The following CPE variants were observed in gnomAD, a reference collection of about 807,000 sequenced individuals.
CPE encodes carboxypeptidase E.
Under a neutral mutation model 53.5 loss-of-function variants are expected in CPE, and 17 were observed. That is an observed-to-expected ratio of 0.32 (90% CI 0.22 to 0.48). The LOEUF is 0.48. Among genes scored for constraint, CPE ranks in the 20% least tolerant of loss-of-function variants. The pLI, the probability that CPE is intolerant of heterozygous loss-of-function variation, is 0.99. For missense variants in CPE, 524 were observed against 614.7 expected (o/e 0.85, Z 1.56); for synonymous variants, 226 against 228.8 (o/e 0.99, Z 0.11).
chr4:165,404,596 C>A, intron 1 of CPE: 1 of 1,097,984 alleles, frequency 9.1e-7, no homozygotes, highest in Non-Finnish European at 1.4e-6. Flanking sequence ...CTTCATCCAC[C>A]AGTGTGGCGG....
intron 1 of CPE, among the ~76,000 whole-genome samples, chr4:165,392,340 ATGTAAT>A (rs1280071014): frequency 1.4e-4 from 20 of 146,498 alleles, no homozygotes; most frequent in African/African-American, 4.7e-4. Context: ...ATATATGTAT[ATGTAAT>A]ATGTAATATA....
rs184773565 is a variant in CPE at position 165,466,844 on chromosome 4, A to G, written c.505-844A>G. ...TTACTGTAACTTTTTTACTTTATAA[A>G]CTTTTAAACTTTAAAAACCTTTTGG... On this transcript the variant is annotated intron_variant, in intron 2 of 8. Coordinates refer to ENST00000402744, the MANE Select transcript of CPE (RefSeq NM_001873.4). Among the ~76,000 whole-genome samples the G allele has an allele frequency of 3.3e-3, 496 of 152,266 alleles. 2 individuals are homozygous for G. The highest frequency in any genetic ancestry group is 0.014 in the Middle Eastern group (4 of 294).
At chr4:165,452,303 A>C (rs1368598262) in intron 1 of CPE, among the ~76,000 whole-genome samples, 1 of 152,220 alleles carries the variant, frequency 6.6e-6, no homozygotes, top group South Asian at 2.1e-4. Context: ...CAATGTTTCC[A>C]GCACAAAGAA....
At chr4:165,494,930 T>C (rs763579945) in intron 7 of CPE, among the ~76,000 whole-genome samples, 1 of 152,200 alleles carries the variant, frequency 6.6e-6, no homozygotes, top group Non-Finnish European at 1.5e-5. Flanking sequence ...CTTCAAAGTG[T>C]GGCCTCTGCT....
At chr4:165,432,464 T>G (rs919508052) in intron 1 of CPE, among the ~76,000 whole-genome samples, 2 of 152,032 alleles carry the variant, frequency 1.3e-5, no homozygotes, top group African/African-American at 2.4e-5. Flanking sequence ...CCTGGCTAAG[T>G]TTTTTAATTT....
chr4:165,416,897 C>T (rs921826447), intron 1 of CPE, among the ~76,000 whole-genome samples: 1 of 151,744 alleles, frequency 6.6e-6, no homozygotes, highest in African/African-American at 2.4e-5. Context: ...AAAATATTTT[C>T]GAATGTGTCA....
At chr4:165,460,789 T>C (rs1246720375) in intron 1 of CPE, among the ~76,000 whole-genome samples, 5 of 152,144 alleles carry the variant, frequency 3.3e-5, no homozygotes, top group African/African-American at 1.2e-4. Flanking sequence ...CTTATCGTAT[T>C]CTTACAAGAA....
At chr4:165,483,998 A>G (rs1424115471) in intron 4 of CPE, among the ~76,000 whole-genome samples, 2 of 152,226 alleles carry the variant, frequency 1.3e-5, no homozygotes, top group Non-Finnish European at 2.9e-5. Flanking sequence ...TTTCTATAAT[A>G]CATACAGGAG....
intron 1 of CPE, among the ~76,000 whole-genome samples, chr4:165,408,105 G>A (rs1730981248): frequency 6.6e-6 from 1 of 152,182 alleles, no homozygotes; most frequent in Non-Finnish European, 1.5e-5. Context: ...CCCATTCTGT[G>A]TGTTGTCTCC....
In CPE at chr4:165,493,764, T is replaced by C. The variant is rs117621567; in HGVS notation, c.1213+494T>C. On this transcript the variant is annotated intron_variant, in intron 7 of 8. Transcript: ENST00000402744. The stretch of plus-strand genomic sequence containing the variant: ...ATCCGTATAATAAATCCGCAGGGAT[T>C]CAAGGTTAAACAAGAGTTTATAGGA... 4.2e-4 allele frequency among the ~76,000 whole-genome samples: 64 copies of C among 152,318 alleles called. No individual in the cohort carries two copies. In the East Asian group the frequency reaches 0.012, roughly 28 times the overall value.
rs559189642 is a variant in CPE at position 165,404,804 on chromosome 4, GA to G, written c.307+25278del. 547 of 771,452 alleles carry G rather than the reference GA, an allele frequency of 7.1e-4. 3 individuals carry two copies. In the African/African-American group the frequency reaches 7.8e-3, roughly 11 times the overall value. The allele number at this position is 771,452 out of a possible 1,614,324, so 47.8% of individuals were successfully genotyped here. A position where few individuals can be genotyped will look rare whatever the true frequency, so the allele number is the denominator to read the frequency against. On this transcript the variant is annotated intron_variant, in intron 1 of 8. Transcript: ENST00000402744. ...TACAGTTGAAGCACTGGTGTCTTTG[GA>G]AGTCTTCTTGGTTGTGATCATCTCC... is the stretch of plus-strand genomic sequence containing the variant.
At chr4:165,447,037 G>A (rs1213082816) in intron 1 of CPE, among the ~76,000 whole-genome samples, 1 of 152,114 alleles carries the variant, frequency 6.6e-6, no homozygotes, top group Non-Finnish European at 1.5e-5. Context: ...TTACTGTACT[G>A]AACACTGTCA....
intron 1 of CPE, among the ~76,000 whole-genome samples, chr4:165,411,547 C>T (rs1367649717): frequency 6.6e-6 from 1 of 152,186 alleles, no homozygotes; most frequent in African/African-American, 2.4e-5. Flanking sequence ...CTCCTTTTCA[C>T]TCTCCATTGA....
chr4:165,485,386 A>G (rs1004771400), intron 5 of CPE, among the ~76,000 whole-genome samples: 1 of 152,172 alleles, frequency 6.6e-6, no homozygotes, highest in African/African-American at 2.4e-5. Context: ...TAGCTAATTG[A>G]AGGGTATTGG....
At chr4:165,414,822 A>G (rs902266167) in intron 1 of CPE, among the ~76,000 whole-genome samples, 6 of 151,990 alleles carry the variant, frequency 3.9e-5, no homozygotes, top group African/African-American at 1.4e-4. Context: ...GAAAAGTACC[A>G]CCTCACATGA....
At chr4:165,380,485 G>C (rs1482111298) in intron 1 of CPE, among the ~76,000 whole-genome samples, 5 of 152,140 alleles carry the variant, frequency 3.3e-5, no homozygotes, top group African/African-American at 1.2e-4. Flanking sequence ...TTATGTTTCT[G>C]CTTAGGAAAT....
chr4:165,432,095 GACACTCCCAAA>G lies in CPE; in HGVS notation c.308-32291_308-32281del, dbSNP rs537216937. 1.4e-3 allele frequency among the ~76,000 whole-genome samples: 216 copies of G among 152,076 alleles called. 1 individual carries two copies. The highest frequency in any genetic ancestry group is 4.8e-3 in the African/African-American group (201 of 41,492). On this transcript the variant is annotated intron_variant, in intron 1 of 8. Coordinates refer to ENST00000402744, the MANE Select transcript of CPE (RefSeq NM_001873.4). ...GAAAAAGAAGGTCGGGGAAGACAAA[GACACTCCCAAA>G]ACATATTTCAAGTACTCAGAAAATG...
At chr4:165,402,843 C>T (rs970074036) in intron 1 of CPE, among the ~76,000 whole-genome samples, 2 of 152,202 alleles carry the variant, frequency 1.3e-5, no homozygotes, top group African/African-American at 4.8e-5. Context: ...TACTCTCCCC[C>T]GAAGAGGAGT....
At position 165,496,307 on chromosome 4, in the gene CPE, A is replaced by G. The variant is rs375648584; in HGVS notation, c.1332+630A>G. 5.9e-5 allele frequency among the ~76,000 whole-genome samples: 9 copies of G among 152,308 alleles called. No homozygotes were observed. In the East Asian group the frequency reaches 1.3e-3, roughly 23 times the overall value. On this transcript the variant is annotated intron_variant, in intron 8 of 8. Transcript: ENST00000402744. Reference sequence around the variant, plus strand: ...AATTTATTATTATTTTTGTTTATGTACCCAAAACTTGGAGTATAAATGCTT... The same window carrying G: ...AATTTATTATTATTTTTGTTTATGTGCCCAAAACTTGGAGTATAAATGCTT...
Sources: gnomAD v4.1 joint callset for allele counts (sites outside exome capture counted in the v4.1 genomes callset) on GRCh38, gnomAD v4.1.1 for gene constraint, MANE v1.5 for transcripts, NCBI Gene and HGNC (gene_info 2026-07-23, HGNC 2026-07-21) for gene names.